The following CDKN2A variants were observed in gnomAD, a reference collection of about 807,000 sequenced individuals.
CDKN2A encodes the protein cyclin-dependent kinase inhibitor 2A.
Under a neutral mutation model 11.1 loss-of-function variants are expected in CDKN2A, and 3 were observed. The observed-to-expected ratio is 0.27, with a 90% CI of 0.12 to 0.70. The LOEUF is 0.70. Among genes scored for constraint, CDKN2A ranks in the 30% least tolerant of loss-of-function variants. The pLI is 0.77. For synonymous variants in CDKN2A, 122 were observed against 108.1 expected (o/e 1.13, Z -0.80); for missense variants, 265 against 233.6 (o/e 1.13, Z -0.88).
chr9:21,985,847 A>T (rs1820287495), intron 2 of CDKN2A, among the ~76,000 whole-genome samples: 1 of 151,938 alleles, frequency 6.6e-6, no homozygotes, highest in Non-Finnish European at 1.5e-5. Context: ...CTGAATACAT[A>T]AATATATTTT....
chr9:21,984,363 T>C (rs1222061939), intron 2 of CDKN2A, among the ~76,000 whole-genome samples: 1 of 152,010 alleles, frequency 6.6e-6, no homozygotes, highest in East Asian at 1.9e-4. Flanking sequence ...TCTGCATTCA[T>C]TGCTACCCAC....
Position 21,991,185 on chromosome 9 carries a change from AGGAGCTAGGGCAAGCTTGTCCAACCTGTG to A in CDKN2A, c.-4+2668_-4+2696del, listed in dbSNP as rs1342509682. On this transcript the variant is annotated intron_variant, in intron 2 of 3. Transcript: ENST00000494262. This position sits in a 1 kb window ranked among gnomAD's most constrained non-coding sequence, Gnocchi z 5.2. ...TCAGGCTGGGCTTTGCAGCAGATGGAGGAGCTAGGGCAAGCTTGTCCAACCTGTGGGCCCGAGGGTCACATGCAGCCCAG... is the reference window on the plus strand; with the variant it reads ...TCAGGCTGGGCTTTGCAGCAGATGGAGGCCCGAGGGTCACATGCAGCCCAG... 1.3e-5 allele frequency among the ~76,000 whole-genome samples: 2 copies of A among 152,148 alleles called. No individual in the cohort carries two copies. The highest frequency in any genetic ancestry group is 1.3e-4 in the Admixed American group (2 of 15,262).
At chr9:21,976,149 CG>C (rs1563894206), upstream of CDKN2A, among the ~76,000 whole-genome samples, 2 of 152,032 alleles carry the variant, frequency 1.3e-5, no homozygotes, top group Non-Finnish European at 2.9e-5. Context: ...GAAGCCGAGG[CG>C]GGCAGATCAC....
chr9:21,968,476 A>G lies in CDKN2A; in HGVS notation c.458-234T>C. 2 of 1,466,704 alleles carry G rather than the reference A, an allele frequency of 1.4e-6. No individual in the cohort carries two copies. The highest frequency in any genetic ancestry group is 1.8e-6 in the Non-Finnish European group (2 of 1,115,748). 90.9% of individuals were successfully genotyped at this position (1,466,704 alleles called of 1,614,324 possible). On this transcript the variant is annotated intron_variant, in intron 2 of 2. Coordinates refer to ENST00000304494, the MANE Select transcript of CDKN2A (RefSeq NM_000077.5). This position sits in a 1 kb window ranked among gnomAD's most constrained non-coding sequence, Gnocchi z 4.7. The stretch of plus-strand genomic sequence containing the variant: ...GGCGCGCCGACCGCTCAAGCGCTCC[A>G]GGTCCACCCGGCGGAGGGCAGAGAA...
At chr9:21,993,496 G>A (rs1420161064) in intron 2 of CDKN2A, among the ~76,000 whole-genome samples, 4 of 152,162 alleles carry the variant, frequency 2.6e-5, no homozygotes, top group Admixed American at 2.6e-4. Flanking sequence ...AATCACTCAG[G>A]CCGCCGGACC....
intron 1 of CDKN2A, chr9:21,994,551 A>G: frequency 8.8e-7 from 1 of 1,130,498 alleles, no homozygotes; most frequent in Non-Finnish European, 1.2e-6. Context: ...CCGGACCTCC[A>G]AGATCTCGGA....
rs1819737397 is a variant in CDKN2A at position 21,971,310 on chromosome 9, G to T, written c.151-102C>A. 2.4e-5 allele frequency: 37 copies of T among 1,530,760 alleles called. No individual in the cohort carries two copies. The South Asian group carries it at 4.2e-4, about 17-fold the overall frequency. The allele number at this position is 1,530,760 out of a possible 1,614,324, so 94.8% of individuals were successfully genotyped here. A position where few individuals can be genotyped will look rare whatever the true frequency, so the allele number is the denominator to read the frequency against. On this transcript the variant is annotated intron_variant, in intron 1 of 2. Coordinates refer to ENST00000304494, the MANE Select transcript of CDKN2A (RefSeq NM_000077.5). Reference sequence around the variant, plus strand: ...CACCGCCAAGCAGACCCCCACACAAGCCCCAGGTGTCTAATTACCCCTACA... The same window carrying T: ...CACCGCCAAGCAGACCCCCACACAATCCCCAGGTGTCTAATTACCCCTACA...
chr9:21,978,670 A>C (rs1373586452), upstream of CDKN2A, among the ~76,000 whole-genome samples: 1 of 152,154 alleles, frequency 6.6e-6, no homozygotes, highest in African/African-American at 2.4e-5. Context: ...TGAAAATTCT[A>C]CACGTGAAAT....
rs2131110753 is a variant in CDKN2A, at chr9:21,974,595, C to T, written c.150+83G>A. ...CCCCTTTTTCCGGAGAATCGAAGCGCTACCTGATTCCAATTCCCCTGCAAA... is the reference window on the plus strand; with the variant it reads ...CCCCTTTTTCCGGAGAATCGAAGCGTTACCTGATTCCAATTCCCCTGCAAA... On this transcript the variant is annotated intron_variant, in intron 1 of 2. Transcript: ENST00000304494. The surrounding 1 kb of genome is among the most constrained non-coding windows in gnomAD (Gnocchi z 5.2). 1 of 1,614,038 alleles carries T rather than the reference C, an allele frequency of 6.2e-7. No homozygotes were observed. Among genetic ancestry groups the T allele is most frequent in the Non-Finnish European group, 8.5e-7 (1 of 1,180,030 alleles).
Position 21,968,391 on chromosome 9 carries a change from C to G in CDKN2A, c.458-149G>C, listed in dbSNP as rs1281094322. The G allele has an allele frequency of 6.6e-6, 10 of 1,518,532 alleles. No individual in the cohort carries two copies. In the Admixed American group the frequency reaches 1.2e-4, roughly 18 times the overall value. The allele number at this position is 1,518,532 out of a possible 1,614,324, so 94.1% of individuals were successfully genotyped here. A position where few individuals can be genotyped will look rare whatever the true frequency, so the allele number is the denominator to read the frequency against. ...GGCTTCACGTGCATGTACCCGCCGC[C>G]ACCGCTCTCCCACACCTCCCTGGTC... On this transcript the variant is annotated intron_variant, in intron 2 of 2. Coordinates refer to ENST00000304494, the MANE Select transcript of CDKN2A (RefSeq NM_000077.5). The surrounding 1 kb of genome is among the most constrained non-coding windows in gnomAD (Gnocchi z 4.7).
intron 2 of CDKN2A, among the ~76,000 whole-genome samples, chr9:21,980,680 C>T (rs1820150647): frequency 6.6e-6 from 1 of 151,862 alleles, no homozygotes; most frequent in Non-Finnish European, 1.5e-5. Flanking sequence ...TGCTTCTCTG[C>T]CAGGCGCGGT....
At chr9:21,974,974 A>T (rs1819978233), upstream of CDKN2A, 3 of 1,410,562 alleles carry the variant, frequency 2.1e-6, no homozygotes, top group South Asian at 1.6e-5. The surrounding 1 kb of genome is among the most constrained non-coding windows in gnomAD (Gnocchi z 5.2). Context: ...CTGTCCCTCA[A>T]ATCCTCTGGA....
At chr9:21,981,103 C>T (rs1486956107) in intron 2 of CDKN2A, among the ~76,000 whole-genome samples, 4 of 15,494 alleles carry the variant, frequency 2.6e-4, no homozygotes, top group Non-Finnish European at 4.3e-4. Flanking sequence ...TATATATATA[C>T]GTGTATATAT....
chr9:21,980,701 T>C (rs967768062), intron 2 of CDKN2A, among the ~76,000 whole-genome samples: 1 of 151,856 alleles, frequency 6.6e-6, no homozygotes, highest in Non-Finnish European at 1.5e-5. Context: ...GGCTCACGCC[T>C]GTAATCCCAG....
upstream of CDKN2A, among the ~76,000 whole-genome samples, chr9:21,979,569 G>A (rs887580709): frequency 1.3e-5 from 2 of 152,210 alleles, no homozygotes; most frequent in African/African-American, 4.8e-5. Flanking sequence ...TGTCACAAGA[G>A]ATACATAGAT....
At chr9:21,976,730 A>G (rs1820044141), upstream of CDKN2A, among the ~76,000 whole-genome samples, 1 of 151,966 alleles carries the variant, frequency 6.6e-6, no homozygotes, top group African/African-American at 2.4e-5. Context: ...AGAAAAAAAG[A>G]AAGAAAGAAA....
chr9:21,973,909 G>C (rs1277849551), intron 1 of CDKN2A, among the ~76,000 whole-genome samples: 1 of 151,360 alleles, frequency 6.6e-6, no homozygotes, highest in Non-Finnish European at 1.5e-5. Context: ...TCTTTCTTTC[G>C]ACAAAGTCTC....
chr9:21,981,087 T>C (rs58801843), intron 2 of CDKN2A, among the ~76,000 whole-genome samples: 5 of 9,708 alleles, frequency 5.2e-4, no homozygotes, highest in African/African-American at 1.1e-3. Flanking sequence ...TATATATATA[T>C]ACGTGTATAT....
chr9:21,993,858 C>T (rs1286188270), intron 2 of CDKN2A: 8 of 428,104 alleles, frequency 1.9e-5, no homozygotes, highest in Admixed American at 3.6e-5. Context: ...TTAGTCATTC[C>T]CACCCAGGAT....
Sources: allele counts gnomAD v4.1 joint callset (sites outside exome capture counted in the v4.1 genomes callset), GRCh38; gene constraint gnomAD v4.1.1; non-coding constraint Gnocchi (gnomAD v3.1); transcripts MANE v1.5; gene names NCBI Gene and HGNC (gene_info 2026-07-23, HGNC 2026-07-21).